The following C6orf132 variants were observed in gnomAD, a reference collection of about 807,000 sequenced individuals.
The protein encoded by C6orf132 is uncharacterized protein C6orf132.
In C6orf132, 43 loss-of-function variants were observed where a neutral mutation model predicts 65.3. That is an observed-to-expected ratio of 0.66 (90% CI 0.52 to 0.85). C6orf132 has a LOEUF of 0.85. Among genes scored for constraint, C6orf132 ranks in the 40% least tolerant of loss-of-function variants. The pLI is 0.00. For synonymous variants in C6orf132, 631 were observed against 654.1 expected (o/e 0.96, Z 0.54); for missense variants, 1,488 against 1,548.8 (o/e 0.96, Z 0.66).
At chr6:42,139,678 G>T (rs6913957) in intron 1 of C6orf132, among the ~76,000 whole-genome samples, 35,640 of 150,356 alleles carry the variant, frequency 0.24, 4,881 homozygotes, top group African/African-American at 0.39. Context: ...ATTATGAGGG[G>T]TTTTTTTTTG....
chr6:42,118,054 C>T lies in C6orf132; in HGVS notation c.253-7763G>A, dbSNP rs547570853. 1.2e-4 allele frequency among the ~76,000 whole-genome samples: 18 copies of T among 152,148 alleles called. 1 individual carries two copies. In the South Asian group the frequency reaches 3.7e-3, roughly 32 times the overall value. Reference sequence around the variant, plus strand: ...TCACTCTGGTCTCAGTTTTCTGCCCCTTCTGTAAATACTCTCCAAGGATCA... The same window carrying T: ...TCACTCTGGTCTCAGTTTTCTGCCCTTTCTGTAAATACTCTCCAAGGATCA... On this transcript the variant is annotated intron_variant, in intron 2 of 4. Coordinates refer to ENST00000341865, the MANE Select transcript of C6orf132 (RefSeq NM_001164446.3).
intron 2 of C6orf132, among the ~76,000 whole-genome samples, chr6:42,120,594 AT>A (rs1766665840): frequency 7.0e-6 from 1 of 143,040 alleles, no homozygotes; most frequent in African/African-American, 2.6e-5. Flanking sequence ...TAAAAAAAAA[AT>A]ACCCAATACA....
chr6:42,122,538 G>C (rs1323550229), intron 2 of C6orf132, among the ~76,000 whole-genome samples: 2 of 152,136 alleles, frequency 1.3e-5, no homozygotes, highest in Non-Finnish European at 1.5e-5. Flanking sequence ...GGTAGAGAAG[G>C]GGGTGTGGAG....
In C6orf132 at chr6:42,124,605, C is replaced by T. The variant is rs887013513; in HGVS notation, c.252+4067G>A. The stretch of plus-strand genomic sequence containing the variant: ...GGGGTGGAGGCCTGGCCGGCTGGGA[C>T]AGTGTCAGGCAGGGCTAGGCACCGG... On this transcript the variant is annotated intron_variant, in intron 2 of 4. Transcript: ENST00000341865. This position sits in a 1 kb window ranked among gnomAD's most constrained non-coding sequence, Gnocchi z 4.0. 6.6e-6 allele frequency among the ~76,000 whole-genome samples: 1 copy of T among 152,176 alleles called. No homozygotes were observed. Among genetic ancestry groups the T allele is most frequent in the African/African-American group, 2.4e-5 (1 of 41,464 alleles).
chr6:42,105,110 G>C lies in C6orf132; in HGVS notation c.2802C>G (p.Asn934Lys), dbSNP rs780791033. 21 of 1,536,918 alleles carry C rather than the reference G, an allele frequency of 1.4e-5. No individual in the cohort carries two copies. The highest frequency in any genetic ancestry group is 2.4e-5 in the East Asian group (1 of 40,906). Reference protein sequence around the residue: ...AEGTELSRRHNWTKPEPQAPV... With the variant: ...AEGTELSRRHKWTKPEPQAPV... ...GGGCCTGGGGCTCTGGCTTTGTCCA[G>C]TTGTGCCTGCGGCTCAGCTCTGTGC... Residue 934 changes from asparagine (N) to lysine (K), a missense_variant, in exon 4 of 5, where the codon AAC becomes AAG. Coordinates refer to ENST00000341865, the MANE Select transcript of C6orf132 (RefSeq NM_001164446.3).
chr6:42,104,587 G>C lies in C6orf132; in HGVS notation c.3325C>G (p.Arg1109Gly). 3 of 1,324,614 alleles carry C rather than the reference G, an allele frequency of 2.3e-6. No homozygotes were observed. The Admixed American group carries it at 1.2e-4, about 53-fold the overall frequency. 82.1% of individuals were successfully genotyped at this position (1,324,614 alleles called of 1,614,324 possible). A position where few individuals can be genotyped will look rare whatever the true frequency, so the allele number is the denominator to read the frequency against. Residue 1109 changes from arginine to glycine, a missense_variant, in exon 4 of 5, where the codon CGC (arginine) becomes GGC (glycine). Physicochemically the swap from Arg to Gly is moderately radical, Grantham distance 125. Transcript: ENST00000341865. The surrounding 1 kb of genome is among the most constrained non-coding windows in gnomAD (Gnocchi z 4.1). ...PEMRRVNSAGRAPPGGLHAPR... is the reference protein window; with the variant it reads ...PEMRRVNSAGGAPPGGLHAPR... ...GCGTGCAGGCCTCCGGGGGGCGCGC[G>C]ACCCGCCGAGTTCACGCGCCGCATC...
In C6orf132 at chr6:42,106,952, T is replaced by C; in HGVS notation, c.960A>G (p.Ala320=). Residue 320 remains alanine (A), a synonymous_variant, in exon 4 of 5, where the codon GCA becomes GCG. Transcript: ENST00000341865. ...VRTSSIPVQE[A]QEAPRKEEGA... ...CCTCTTCCTTTCGGGGAGCCTCTTGTGCTTCCTGAACTGGGATGGACGAAG... is the reference window on the plus strand; with the variant it reads ...CCTCTTCCTTTCGGGGAGCCTCTTGCGCTTCCTGAACTGGGATGGACGAAG... The C allele has an allele frequency of 6.5e-7, 1 of 1,535,936 alleles. No homozygotes were observed.
At chr6:42,137,943 G>A (rs561789570) in intron 1 of C6orf132, among the ~76,000 whole-genome samples, 3 of 152,258 alleles carry the variant, frequency 2.0e-5, no homozygotes, top group East Asian at 1.9e-4. Context: ...GTGTGGTGGC[G>A]CAGGCCGGGG....
At chr6:42,121,966 G>T (rs1016774359) in intron 2 of C6orf132, among the ~76,000 whole-genome samples, 1 of 152,196 alleles carries the variant, frequency 6.6e-6, no homozygotes, top group African/African-American at 2.4e-5. Context: ...GTGCAGTATG[G>T]GGGTGCTGGC....
At position 42,107,493 on chromosome 6, in the gene C6orf132, G is replaced by A; in HGVS notation, c.419C>T (p.Pro140Leu). 1.3e-6 allele frequency: 2 copies of A among 1,548,800 alleles called. No homozygotes were observed. The highest frequency in any genetic ancestry group is 1.7e-6 in the Non-Finnish European group (2 of 1,145,836). Residue 140 changes from proline to leucine, a missense_variant, in exon 4 of 5, where the codon CCC becomes CTC. Physicochemically the swap from Pro to Leu is moderately conservative, Grantham distance 98. Coordinates refer to ENST00000341865, the MANE Select transcript of C6orf132 (RefSeq NM_001164446.3). ...TGGGGCTGGGCCTGGGGGAGGTGGGGGGATGAGTAGATCCTGGCCATATTG... is the reference window on the plus strand; with the variant it reads ...TGGGGCTGGGCCTGGGGGAGGTGGGAGGATGAGTAGATCCTGGCCATATTG... The part of the protein sequence containing the change: ...PGQYGQDLLI[P>L]PPPPGPAPGP...
At position 42,107,402 on chromosome 6, in the gene C6orf132, T is replaced by C; in HGVS notation, c.510A>G (p.Ala170=). The change falls in exon 4 of 5, where the codon GCA becomes GCG. Residue 170 remains alanine, a synonymous_variant. Coordinates refer to ENST00000341865, the MANE Select transcript of C6orf132 (RefSeq NM_001164446.3). The part of the protein sequence containing the change: ...GSPLPSPPST[A]PPPPPLLLEP... The stretch of plus-strand genomic sequence containing the variant: ...CCAGCAGCAGGGGAGGTGGTGGGGG[T>C]GCTGTGGAAGGTGGAGATGGCAGTG... 2 of 1,223,284 alleles carry C rather than the reference T, an allele frequency of 1.6e-6. No individual in the cohort carries two copies. Among genetic ancestry groups the C allele is most frequent in the Non-Finnish European group, 2.2e-6 (2 of 920,590 alleles). 75.8% of individuals were successfully genotyped at this position (1,223,284 alleles called of 1,614,324 possible). A position where few individuals can be genotyped will look rare whatever the true frequency, so the allele number is the denominator to read the frequency against.
intron 2 of C6orf132, among the ~76,000 whole-genome samples, chr6:42,115,454 G>C (rs1445143475): frequency 6.6e-6 from 1 of 151,198 alleles, no homozygotes. Flanking sequence ...AGACCATCCT[G>C]GCTAACACGG....
intron 1 of C6orf132, among the ~76,000 whole-genome samples, chr6:42,141,528 C>T (rs1028035087): frequency 4.7e-4 from 71 of 152,322 alleles, no homozygotes; most frequent in African/African-American, 1.5e-3. Flanking sequence ...TGAGCCAAGG[C>T]GGTGCTTTTA....
Position 42,105,965 on chromosome 6 carries a change from T to G in C6orf132, c.1947A>C (p.Pro649=). The change falls in exon 4 of 5, where the codon CCA becomes CCC. Residue 649 remains proline, a synonymous_variant. Transcript: ENST00000341865. ...AAAGTGTAGCCTTGGGTGGTATGGC[T>G]GGCTCAGGTGTGGCCTTGGGTGGTA... is the stretch of plus-strand genomic sequence containing the variant. ...PAIPPKATPE[P]AIPPKATLWP... is the part of the protein sequence containing the mutation. 6.5e-7 allele frequency: 1 copy of G among 1,537,228 alleles called. No homozygotes were observed. The highest frequency in any genetic ancestry group is 8.7e-7 in the Non-Finnish European group (1 of 1,146,888).
At chr6:42,108,042 C>T (rs1766441601) in intron 3 of C6orf132, among the ~76,000 whole-genome samples, 1 of 152,222 alleles carries the variant, frequency 6.6e-6, no homozygotes, top group African/African-American at 2.4e-5. Flanking sequence ...CTGGGTGTCA[C>T]TGTCCCCAGG....
chr6:42,119,853 T>C (rs1263380359), intron 2 of C6orf132, among the ~76,000 whole-genome samples: 3 of 150,942 alleles, frequency 2.0e-5, no homozygotes, highest in African/African-American at 7.3e-5. Flanking sequence ...CCCAGCACTT[T>C]GGGAGGCCGA....
rs187397305 is a variant in C6orf132 at position 42,103,798 on chromosome 6, T to G, written c.3530A>C (p.Tyr1177Ser). 1 of 1,485,748 alleles carries G rather than the reference T, an allele frequency of 6.7e-7. No homozygotes were observed. The highest frequency in any genetic ancestry group is 2.2e-5 in the Admixed American group (1 of 44,478). 92.0% of individuals were successfully genotyped at this position (1,485,748 alleles called of 1,614,324 possible). A position where few individuals can be genotyped will look rare whatever the true frequency, so the allele number is the denominator to read the frequency against. Residue 1177 changes from tyrosine to serine, a missense_variant, in exon 5 of 5, where the codon TAT (tyrosine) becomes TCT (serine). Transcript: ENST00000341865. ...TTTCCGATGGGCCCCTGAGCAGACA[T>G]AGGAGATGGGATGGCGGGTCCCAGG... is the stretch of plus-strand genomic sequence containing the variant. ...VRPGTRHPIS[Y>S]VCSGAHRKAT...
At position 42,104,173 on chromosome 6, in the gene C6orf132, C is replaced by T. The variant is rs536676261; in HGVS notation, c.3449+290G>A. ...GTTGGGAAATCCCTCCACCCAAGGGCCACTCAGATCTCTCCCCGCCCCACA... is the reference window on the plus strand; with the variant it reads ...GTTGGGAAATCCCTCCACCCAAGGGTCACTCAGATCTCTCCCCGCCCCACA... On this transcript the variant is annotated intron_variant, in intron 4 of 4. Coordinates refer to ENST00000341865, the MANE Select transcript of C6orf132 (RefSeq NM_001164446.3). This position sits in a 1 kb window ranked among gnomAD's most constrained non-coding sequence, Gnocchi z 4.1. Among the ~76,000 whole-genome samples the T allele has an allele frequency of 2.5e-4, 38 of 152,304 alleles. 1 individual carries two copies. In the South Asian group the frequency reaches 6.6e-3, roughly 27 times the overall value.
intron 1 of C6orf132, among the ~76,000 whole-genome samples, chr6:42,134,592 G>A (rs1211441154): frequency 6.6e-6 from 1 of 152,042 alleles, no homozygotes; most frequent in African/African-American, 2.4e-5. Context: ...TGGCCAACAC[G>A]GTGAAACCCC....
Sources: allele counts gnomAD v4.1 joint callset (sites outside exome capture counted in the v4.1 genomes callset), GRCh38; gene constraint gnomAD v4.1.1; non-coding constraint Gnocchi (gnomAD v3.1); transcripts MANE v1.5; gene names NCBI Gene and HGNC (gene_info 2026-07-23, HGNC 2026-07-21).